Variants in SLC44A5 observed in about 807,000 individuals in gnomAD.
SLC44A5 encodes the protein solute carrier family 44 member 5.
In SLC44A5, 57 loss-of-function variants were observed where a neutral mutation model predicts 101.8. The observed-to-expected ratio is 0.56, with a 90% confidence interval of 0.45 to 0.70. The LOEUF (loss-of-function observed/expected upper bound fraction) is 0.70, where lower values mean the gene tolerates loss of function less well. Ranked by LOEUF, SLC44A5 falls within the 30% of genes least tolerant of loss-of-function variation. The probability of loss-of-function intolerance (pLI) is 0.00; values close to 1 mark genes in which losing one functional copy is unlikely to be tolerated. For synonymous variants in SLC44A5, 281 were observed against 290.9 expected (o/e 0.97, Z 0.35); for missense variants, 737 against 853.1 (o/e 0.86, Z 1.70).
intron 2 of SLC44A5, among the ~76,000 whole-genome samples, chr1:75,479,483 A>C (rs1299195892): frequency 6.6e-6 from 1 of 152,206 alleles, no homozygotes; most frequent in Admixed American, 6.5e-5. Context: ...GAAAGGATCA[A>C]CAAAATTGAT....
At chr1:75,696,382 T>G in the SLC44A5 span, among the ~76,000 whole-genome samples, 3 of 152,302 alleles carry the variant, frequency 2.0e-5, no homozygotes, top group East Asian at 5.8e-4. Context: ...GAATATTTGT[T>G]AAAAGACTTT....
intron 2 of SLC44A5, among the ~76,000 whole-genome samples, chr1:75,540,944 T>C (rs1003426393): frequency 2.0e-5 from 3 of 152,128 alleles, no homozygotes; most frequent in Non-Finnish European, 4.4e-5. Flanking sequence ...TCACACTCCC[T>C]CTCCAAAGAA....
chr1:75,539,887 G>C (rs760863419), intron 2 of SLC44A5, among the ~76,000 whole-genome samples: 1 of 152,014 alleles, frequency 6.6e-6, no homozygotes, highest in Non-Finnish European at 1.5e-5. Flanking sequence ...CCAATATTCA[G>C]AAAAAAAGAG....
chr1:75,286,097 C>A (rs1447557670), intron 5 of SLC44A5, among the ~76,000 whole-genome samples: 1 of 151,978 alleles, frequency 6.6e-6, no homozygotes, highest in Non-Finnish European at 1.5e-5. Flanking sequence ...ATTATGTTGC[C>A]ATCTAATTCA....
chr1:75,487,771 C>A (rs1668228928), intron 2 of SLC44A5, among the ~76,000 whole-genome samples: 1 of 152,200 alleles, frequency 6.6e-6, no homozygotes, highest in Admixed American at 6.5e-5. Flanking sequence ...CTACTACCCA[C>A]CTAGGCTACA....
chr1:75,414,328 C>CACAT (rs1663491283), intron 2 of SLC44A5, among the ~76,000 whole-genome samples: 1 of 134,148 alleles, frequency 7.5e-6, no homozygotes, highest in Admixed American at 7.2e-5. Context: ...TCCACATACA[C>CACAT]ACACACACAC....
chr1:75,586,798 G>GA (rs1315408319), intron 1 of SLC44A5, among the ~76,000 whole-genome samples: 2 of 152,098 alleles, frequency 1.3e-5, no homozygotes, highest in Non-Finnish European at 2.9e-5. Flanking sequence ...TATTATCTAT[G>GA]TACCCCAAGG....
Position 75,235,300 on chromosome 1 carries a change from A to T in SLC44A5, c.741-1202T>A, listed in dbSNP as rs191579550. ...CAATACTTTAGATTTATATTTATAA[A>T]ATAAATAAGAGCAGAAGAATTGAAA... is the stretch of plus-strand genomic sequence containing the variant. On this transcript the variant is annotated intron_variant, in intron 11 of 23. Coordinates refer to ENST00000370859, the MANE Select transcript of SLC44A5 (RefSeq NM_001130058.2). Among the ~76,000 whole-genome samples, 482 of 152,182 alleles carry T rather than the reference A, an allele frequency of 3.2e-3. 1 individual carries two copies. The highest frequency in any genetic ancestry group is 6.2e-3 in the South Asian group (30 of 4,826).
At chr1:75,594,705 A>T (rs1674539053) in intron 1 of SLC44A5, among the ~76,000 whole-genome samples, 1 of 151,896 alleles carries the variant, frequency 6.6e-6, no homozygotes, top group Non-Finnish European at 1.5e-5. Context: ...ATTAGCTAAC[A>T]TTTATGAAGT....
At chr1:75,554,868 A>C (rs1570601674) in intron 1 of SLC44A5, among the ~76,000 whole-genome samples, 1 of 152,138 alleles carries the variant, frequency 6.6e-6, no homozygotes, top group Non-Finnish European at 1.5e-5. Context: ...TTAAGGATAC[A>C]TATTATTAGC....
In SLC44A5 at chr1:75,327,070, T is replaced by C. The variant is rs186415034; in HGVS notation, c.101+12512A>G. Among the ~76,000 whole-genome samples the C allele has an allele frequency of 4.6e-4, 65 of 142,330 alleles. 1 individual carries two copies. Among genetic ancestry groups the C allele is most frequent in the African/African-American group, 1.4e-3 (56 of 39,190 alleles). 93.4% of individuals were successfully genotyped at this position (142,330 alleles called of 152,430 possible). A position where few individuals can be genotyped will look rare whatever the true frequency, so the allele number is the denominator to read the frequency against. ...TGATATTTTCCTTCAGTTTTCACCA[T>C]TGTTTCTAAGCTTTATTTTTTTTTT... On this transcript the variant is annotated intron_variant, in intron 4 of 23. Transcript: ENST00000370859.
intron 2 of SLC44A5, among the ~76,000 whole-genome samples, chr1:75,421,810 C>T (rs1056353240): frequency 1.3e-5 from 2 of 151,180 alleles, no homozygotes; most frequent in South Asian, 2.1e-4. Context: ...TTCATAAAAG[C>T]TTATGGAATA....
intron 3 of SLC44A5, among the ~76,000 whole-genome samples, chr1:75,373,888 G>A (rs1660393743): frequency 1.3e-5 from 2 of 152,126 alleles, no homozygotes; most frequent in South Asian, 4.1e-4. Flanking sequence ...ACTACCCAGG[G>A]GCATCAAGCT....
In SLC44A5 at chr1:75,356,419, A is replaced by G. The variant is rs1300179390; in HGVS notation, c.53-16789T>C. Reference sequence around the variant, plus strand: ...TCTGTTTTTAACAAAAAGTTTAAAAATTAAAAAATATAAAAATAGGAAAAA... The same window carrying G: ...TCTGTTTTTAACAAAAAGTTTAAAAGTTAAAAAATATAAAAATAGGAAAAA... On this transcript the variant is annotated intron_variant, in intron 3 of 23. Transcript: ENST00000370859. Among the ~76,000 whole-genome samples, 4 of 151,896 alleles carry G rather than the reference A, an allele frequency of 2.6e-5. No individual in the cohort carries two copies. The East Asian group carries it at 5.8e-4, about 22-fold the overall frequency.
At chr1:75,703,677 A>G in the SLC44A5 span, among the ~76,000 whole-genome samples, 8 of 150,678 alleles carry the variant, frequency 5.3e-5, no homozygotes, top group African/African-American at 2.0e-4. Flanking sequence ...AAAAAAAAGA[A>G]TCTGAAAATG....
At chr1:75,385,712 G>A (rs1438279327) in intron 3 of SLC44A5, among the ~76,000 whole-genome samples, 4 of 152,128 alleles carry the variant, frequency 2.6e-5, no homozygotes. Flanking sequence ...ATTTTATGAA[G>A]CCAGCATCAT....
At chr1:75,415,896 C>T (rs1481205459) in intron 2 of SLC44A5, among the ~76,000 whole-genome samples, 1 of 152,088 alleles carries the variant, frequency 6.6e-6, no homozygotes, top group Non-Finnish European at 1.5e-5. Context: ...AATTTATAAG[C>T]AGGAAAGTAT....
chr1:75,651,696 C>CAAA, the SLC44A5 span, among the ~76,000 whole-genome samples: 50 of 70,068 alleles, frequency 7.1e-4, no homozygotes, highest in African/African-American at 1.5e-3. Flanking sequence ...GACTCTGTCT[C>CAAA]AAAAAAAAAA....
chr1:75,271,731 G>A (rs576122500), intron 6 of SLC44A5, among the ~76,000 whole-genome samples: 7 of 152,144 alleles, frequency 4.6e-5, no homozygotes, highest in South Asian at 4.2e-4. Flanking sequence ...GGGCACTTAC[G>A]TTGGTTCCAT....
Sources: gnomAD v4.1 joint callset for allele counts (sites outside exome capture counted in the v4.1 genomes callset) on GRCh38, gnomAD v4.1.1 for gene constraint, MANE v1.5 for transcripts, NCBI Gene and HGNC (gene_info 2026-07-23, HGNC 2026-07-21) for gene names.